The following OR6C3 variants were observed in gnomAD, a reference collection of about 807,000 sequenced individuals.
OR6C3 encodes olfactory receptor family 6 subfamily C member 3.
For synonymous variants in OR6C3, 177 were observed against 137.4 expected (o/e 1.29, Z -2.02); for missense variants, 487 against 364.6 (o/e 1.34, Z -2.73).
In OR6C3 at chr12:55,331,950, ACCAG is replaced by A; in HGVS notation, c.251_254del (p.Thr84ArgfsTer22). ...CCCCAGATTTCTGGGGGCAATTATCACCAGGAATAAGACTATTTCCTATAACAAC... is the reference window on the plus strand; with the variant it reads ...CCCCAGATTTCTGGGGGCAATTATCAGAATAAGACTATTTCCTATAACAAC... On this transcript the variant is annotated frameshift_variant, in exon 2 of 2. Transcript: ENST00000641740. LOFTEE classifies it low-confidence loss of function (END_TRUNC). The A allele has an allele frequency of 6.2e-7, 1 of 1,614,118 alleles. No homozygotes were observed. The highest frequency in any genetic ancestry group is 8.5e-7 in the Non-Finnish European group (1 of 1,179,982).
rs761791027 is a variant in OR6C3, at chr12:55,332,267, A to G, written c.567A>G (p.Thr189=). 6 of 1,614,104 alleles carry G rather than the reference A, an allele frequency of 3.7e-6. No individual in the cohort carries two copies. Among genetic ancestry groups the G allele is most frequent in the Middle Eastern group, 1.6e-4 (1 of 6,062 alleles). Residue 189 remains threonine, a synonymous_variant, in exon 2 of 2, where the codon ACA becomes ACG. Coordinates refer to ENST00000641740, the MANE Select transcript of OR6C3 (RefSeq NM_001388498.1). ...FPLLQLSCSD[T]WLLEVIGFYF... ...TCTTACAACTATCTTGTTCAGATAC[A>G]TGGCTCCTAGAAGTAATTGGTTTTT... is the stretch of plus-strand genomic sequence containing the variant.
Position 55,332,198 on chromosome 12 carries a change from T to C in OR6C3, c.498T>C (p.Cys166=). The C allele has an allele frequency of 1.2e-6, 2 of 1,610,896 alleles. No individual in the cohort carries two copies. Among genetic ancestry groups the C allele is most frequent in the Non-Finnish European group, 1.7e-6 (2 of 1,179,972 alleles). The change falls in exon 2 of 2, where the codon TGT becomes TGC. Residue 166 remains cysteine, a synonymous_variant. Transcript: ENST00000641740. ...PLMLLLQLDY[C]ASNVIDHFAC... ...TGCTTCTCCTCCAGCTGGATTACTG[T>C]GCTTCCAACGTCATTGATCACTTTG... is the stretch of plus-strand genomic sequence containing the variant.
chr12:55,332,188 T>C lies in OR6C3; in HGVS notation c.488T>C (p.Leu163Pro), dbSNP rs112688257. 22 of 1,614,068 alleles carry C rather than the reference T, an allele frequency of 1.4e-5. No individual in the cohort carries two copies. The African/African-American group carries it at 1.5e-4, about 11-fold the overall frequency. Residue 163 changes from leucine (L) to proline (P), a missense_variant, in exon 2 of 2, where the codon CTG becomes CCG. Physicochemically the swap from Leu to Pro is moderately conservative, Grantham distance 98. Transcript: ENST00000641740. ...CCACCCCTTATGCTTCTCCTCCAGCTGGATTACTGTGCTTCCAACGTCATT... is the reference window on the plus strand; with the variant it reads ...CCACCCCTTATGCTTCTCCTCCAGCCGGATTACTGTGCTTCCAACGTCATT... ...IFPPLMLLLQ[L>P]DYCASNVIDH... is the part of the protein sequence containing the mutation.
Position 55,331,859 on chromosome 12 carries a change from G to T in OR6C3, c.159G>T (p.Gln53His), listed in dbSNP as rs202098521. Reference protein sequence around the residue: ...ITLTFVDSHLQTPMYFFLRNF... With the variant: ...ITLTFVDSHLHTPMYFFLRNF... ...TAACCTTTGTGGACTCCCATCTGCA[G>T]ACACCTATGTATTTCTTCCTCCGGA... Residue 53 changes from glutamine (Q) to histidine (H), a missense_variant, in exon 2 of 2, where the codon CAG becomes CAT. Transcript: ENST00000641740. 9.3e-6 allele frequency: 15 copies of T among 1,613,980 alleles called. No individual in the cohort carries two copies. Among genetic ancestry groups the T allele is most frequent in the Non-Finnish European group, 1.3e-5 (15 of 1,180,010 alleles).
At chr12:55,331,608 C>A in intron 1 of OR6C3, 49 bp from the exon 2 acceptor site, 1 of 759,698 alleles carries the variant, frequency 1.3e-6, no homozygotes, top group Non-Finnish European at 2.2e-6. Context: ...TGAATTATAT[C>A]TTTTATCTAT....
chr12:55,330,538 G>A (rs1868807660), upstream of OR6C3, among the ~76,000 whole-genome samples: 1 of 152,038 alleles, frequency 6.6e-6, no homozygotes, highest in Non-Finnish European at 1.5e-5. Context: ...ACAACTATCA[G>A]GATTTTAGCA....
chr12:55,331,206 G>A (rs927012049), intron 1 of OR6C3, among the ~76,000 whole-genome samples: 5 of 151,506 alleles, frequency 3.3e-5, no homozygotes, highest in African/African-American at 9.7e-5. Flanking sequence ...ATCATAAAAA[G>A]AATAATGGGT....
In OR6C3 at chr12:55,332,393, A is replaced by T; in HGVS notation, c.693A>T (p.Arg231Ser). 6.2e-7 allele frequency: 1 copy of T among 1,614,024 alleles called. No individual in the cohort carries two copies. Among genetic ancestry groups the T allele is most frequent in the Non-Finnish European group, 8.5e-7 (1 of 1,179,946 alleles). The change falls in exon 2 of 2, where the codon AGA becomes AGT. Residue 231 changes from arginine (R) to serine (S), a missense_variant. Physicochemically the swap from Arg to Ser is moderately radical, Grantham distance 110. Coordinates refer to ENST00000641740, the MANE Select transcript of OR6C3 (RefSeq NM_001388498.1). The part of the protein sequence containing the change: ...TILRIPSASQ[R>S]KKAFSTCSSH... ...TGAGAATCCCGTCTGCCAGTCAAAG[A>T]AAAAAGGCTTTCTCCACTTGTTCTT...
At position 55,332,378 on chromosome 12, in the gene OR6C3, G is replaced by T. The variant is rs371374392; in HGVS notation, c.678G>T (p.Pro226=). Residue 226 remains proline, a synonymous_variant, in exon 2 of 2, where the codon CCG becomes CCT. Transcript: ENST00000641740. Reference sequence around the variant, plus strand: ...TTATCAGGACCATTTTGAGAATCCCGTCTGCCAGTCAAAGAAAAAAGGCTT... The same window carrying T: ...TTATCAGGACCATTTTGAGAATCCCTTCTGCCAGTCAAAGAAAAAAGGCTT... The part of the protein sequence containing the change: ...MYIIRTILRI[P]SASQRKKAFS... The T allele has an allele frequency of 1.2e-6, 2 of 1,613,860 alleles. No homozygotes were observed. The highest frequency in any genetic ancestry group is 2.7e-5 in the African/African-American group (2 of 74,892).
At position 55,332,297 on chromosome 12, in the gene OR6C3, T is replaced by A; in HGVS notation, c.597T>A (p.Phe199Leu). 6.2e-7 allele frequency: 1 copy of A among 1,614,122 alleles called. No individual in the cohort carries two copies. Among genetic ancestry groups the A allele is most frequent in the Non-Finnish European group, 8.5e-7 (1 of 1,179,992 alleles). Reference protein sequence around the residue: ...TWLLEVIGFYFALVTLLFTLA... With the variant: ...TWLLEVIGFYLALVTLLFTLA... ...TCCTAGAAGTAATTGGTTTTTACTT[T>A]GCTTTGGTTACTTTGCTGTTCACTT... The change falls in exon 2 of 2, where the codon TTT (phenylalanine) becomes TTA (leucine). Residue 199 changes from phenylalanine (F) to leucine (L), a missense_variant. By Grantham distance (22) the Phe-to-Leu change is conservative (BLOSUM62 0). Transcript: ENST00000641740.
Position 55,332,605 on chromosome 12 carries a change from T to C in OR6C3, c.905T>C (p.Val302Ala), listed in dbSNP as rs1386249941. 1.0e-5 allele frequency: 16 copies of C among 1,601,314 alleles called. No individual in the cohort carries two copies. Among genetic ancestry groups the C allele is most frequent in the Non-Finnish European group, 1.4e-5 (16 of 1,177,002 alleles). ...GTAAAACAAGCCTTCAAAAATGTGG[T>C]CCACAAAGTTGTGTTTTATGCAAAT... Reference protein sequence around the residue: ...QQVKQAFKNVVHKVVFYANQ With the variant: ...QQVKQAFKNVAHKVVFYANQ Residue 302 changes from valine to alanine, a missense_variant, in exon 2 of 2, where the codon GTC (valine) becomes GCC (alanine). Val to Ala is a moderately conservative substitution (Grantham distance 64). Transcript: ENST00000641740.
chr12:55,332,476 C>T lies in OR6C3; in HGVS notation c.776C>T (p.Pro259Leu). 2 of 1,613,870 alleles carry T rather than the reference C, an allele frequency of 1.2e-6. No homozygotes were observed. Among genetic ancestry groups the T allele is most frequent in the South Asian group, 1.1e-5 (1 of 91,068 alleles). The change falls in exon 2 of 2, where the codon CCA becomes CTA. Residue 259 changes from proline to leucine, a missense_variant. Physicochemically the swap from Pro to Leu is moderately conservative, Grantham distance 98. Coordinates refer to ENST00000641740, the MANE Select transcript of OR6C3 (RefSeq NM_001388498.1). Reference protein sequence around the residue: ...YGSCIFMYANPSAKEKASLTK... With the variant: ...YGSCIFMYANLSAKEKASLTK... The stretch of plus-strand genomic sequence containing the variant: ...AGCTGTATATTCATGTATGCTAATC[C>T]ATCTGCAAAAGAAAAGGCATCATTG...
Position 55,331,646 on chromosome 12 carries a change from A to G in OR6C3, c.-44-11A>G. ...TCCTTAATTATCATTCTACCAAAAT[A>G]TCTTTAAAAGAACAAAAAGGAGAGT... On this transcript the variant is annotated splice_polypyrimidine_tract_variant and intron_variant, in intron 1 of 1. Transcript: ENST00000641740. The G allele has an allele frequency of 8.9e-7, 1 of 1,127,186 alleles. No homozygotes were observed. Among genetic ancestry groups the G allele is most frequent in the African/African-American group, 1.6e-5 (1 of 64,410 alleles). 69.8% of individuals were successfully genotyped at this position (1,127,186 alleles called of 1,614,324 possible).
Position 55,330,784 on chromosome 12 carries a change from G to C in OR6C3, c.-68G>C, listed in dbSNP as rs567723413. 3.3e-5 allele frequency: 5 copies of C among 152,268 alleles called. No individual in the cohort carries two copies. The highest frequency in any genetic ancestry group is 1.2e-4 in the African/African-American group (5 of 41,582). 9.4% of individuals were successfully genotyped at this position (152,268 alleles called of 1,614,324 possible). On this transcript the variant is annotated 5_prime_UTR_variant, in exon 1 of 2. Coordinates refer to ENST00000641740, the MANE Select transcript of OR6C3 (RefSeq NM_001388498.1). ...GAAGATGCACTAAGCTATAATCCAA[G>C]TGAGAGAGTTGCTGAGATCTAAGGC...
Position 55,332,326 on chromosome 12 carries a change from C to T in OR6C3, c.626C>T (p.Ala209Val), listed in dbSNP as rs762812627. 1 of 1,614,062 alleles carries T rather than the reference C, an allele frequency of 6.2e-7. No homozygotes were observed. Among genetic ancestry groups the T allele is most frequent in the Admixed American group, 1.7e-5 (1 of 60,006 alleles). ...TTGGTTACTTTGCTGTTCACTTTGGCATTAGTGATTTTATCTTACATGTAC... is the reference window on the plus strand; with the variant it reads ...TTGGTTACTTTGCTGTTCACTTTGGTATTAGTGATTTTATCTTACATGTAC... Reference protein sequence around the residue: ...FALVTLLFTLALVILSYMYII... With the variant: ...FALVTLLFTLVLVILSYMYII... Residue 209 changes from alanine to valine, a missense_variant, in exon 2 of 2, where the codon GCA becomes GTA. Transcript: ENST00000641740.
rs1868898079 is a variant in OR6C3, at chr12:55,332,468, T to C, written c.768T>C (p.Tyr256=). The change falls in exon 2 of 2, where the codon TAT becomes TAC. Residue 256 remains tyrosine (Y), a synonymous_variant. Coordinates refer to ENST00000641740, the MANE Select transcript of OR6C3 (RefSeq NM_001388498.1). ...CTTATGGAAGCTGTATATTCATGTA[T>C]GCTAATCCATCTGCAAAAGAAAAGG... ...SISYGSCIFM[Y]ANPSAKEKAS... 6.2e-7 allele frequency: 1 copy of C among 1,614,082 alleles called. No individual in the cohort carries two copies. The highest frequency in any genetic ancestry group is 8.5e-7 in the Non-Finnish European group (1 of 1,179,992).
chr12:55,330,609 G>C (rs149417984), upstream of OR6C3: 1 of 152,122 alleles, frequency 6.6e-6, no homozygotes, highest in African/African-American at 2.4e-5. Context: ...TAACTGACTA[G>C]GTTAGAATGA....
Position 55,332,623 on chromosome 12 carries a change from A to T in OR6C3, c.923A>T (p.Tyr308Phe). The change falls in exon 2 of 2, where the codon TAT (tyrosine) becomes TTT (phenylalanine). Residue 308 changes from tyrosine (Y) to phenylalanine (F), a missense_variant. Tyr to Phe is a conservative substitution (Grantham distance 22, BLOSUM62 3). Coordinates refer to ENST00000641740, the MANE Select transcript of OR6C3 (RefSeq NM_001388498.1). ...AATGTGGTCCACAAAGTTGTGTTTTATGCAAATCAATGAATTTTTGGTCAA... is the reference window on the plus strand; with the variant it reads ...AATGTGGTCCACAAAGTTGTGTTTTTTGCAAATCAATGAATTTTTGGTCAA... ...FKNVVHKVVF[Y>F]ANQ The T allele has an allele frequency of 6.4e-7, 1 of 1,565,634 alleles. No individual in the cohort carries two copies. The highest frequency in any genetic ancestry group is 8.6e-7 in the Non-Finnish European group (1 of 1,163,632).
Position 55,332,626 on chromosome 12 carries a change from C to T in OR6C3, c.926C>T (p.Ala309Val), listed in dbSNP as rs1208673332. The T allele has an allele frequency of 6.4e-7, 1 of 1,563,212 alleles. No homozygotes were observed. The highest frequency in any genetic ancestry group is 1.2e-5 in the South Asian group (1 of 84,574). Residue 309 changes from alanine to valine, a missense_variant, in exon 2 of 2, where the codon GCA (alanine) becomes GTA (valine). Physicochemically the swap from Ala to Val is moderately conservative, Grantham distance 64. Transcript: ENST00000641740. ...KNVVHKVVFY[A>V]NQ is the part of the protein sequence containing the mutation. Reference sequence around the variant, plus strand: ...GTGGTCCACAAAGTTGTGTTTTATGCAAATCAATGAATTTTTGGTCAAAAA... The same window carrying T: ...GTGGTCCACAAAGTTGTGTTTTATGTAAATCAATGAATTTTTGGTCAAAAA...
Sources: gnomAD v4.1 joint callset for allele counts (sites outside exome capture counted in the v4.1 genomes callset) on GRCh38, gnomAD v4.1.1 for gene constraint, MANE v1.5 for transcripts, NCBI Gene and HGNC (gene_info 2026-07-23, HGNC 2026-07-21) for gene names.